TANC2: variants seen among roughly 807,000 people sequenced by gnomAD.
The protein encoded by TANC2 is tetratricopeptide repeat, ankyrin repeat and coiled-coil containing 2.
In TANC2, 26 loss-of-function variants were observed where a neutral mutation model predicts 210.5. The ratio of observed to expected loss-of-function variants is 0.12; its 90% CI spans 0.09 to 0.17. TANC2 has a LOEUF of 0.17. TANC2 is among the 10% of genes least tolerant of loss of function. The pLI is 1.00. For missense variants in TANC2, 2,129 were observed against 2,608.9 expected, an observed-to-expected ratio of 0.82 and a Z score of 4.01; for synonymous variants, 931 against 967.1, an observed-to-expected ratio of 0.96 and a Z score of 0.69.
intron 20 of TANC2, 90 bp from the exon 21 acceptor site, chr17:63,406,064 G>A: frequency 6.5e-7 from 1 of 1,533,068 alleles, no homozygotes; most frequent in East Asian, 2.4e-5. Flanking sequence ...TACAGCAGTA[G>A]GAATTCCTAC....
intron 14 of TANC2, among the ~76,000 whole-genome samples, chr17:63,371,136 A>T (rs1301477542): frequency 1.3e-5 from 2 of 152,146 alleles, no homozygotes; most frequent in Admixed American, 6.5e-5. Flanking sequence ...AGCTGTAACT[A>T]TACCACTTTG....
chr17:63,074,071 T>G, intron 3 of TANC2, 57 bp downstream of exon 3: 1 of 1,400,836 alleles, frequency 7.1e-7, no homozygotes, highest in Non-Finnish European at 9.8e-7. Context: ...GATATTTCTT[T>G]CTAGTACTTA....
intron 27 of TANC2, among the ~76,000 whole-genome samples, chr17:63,419,763 A>G (rs1366928857): frequency 6.6e-6 from 1 of 152,118 alleles, no homozygotes; most frequent in Non-Finnish European, 1.5e-5. Context: ...GCATTTCTCC[A>G]CTATTCCCAG....
At chr17:63,009,711 T>C in intron 2 of TANC2, 85 bp downstream of exon 2, 1 of 1,134,310 alleles carries the variant, frequency 8.8e-7, no homozygotes, top group South Asian at 1.4e-5. Context: ...TGTAACACTT[T>C]ATTAATGCTT....
intron 14 of TANC2, among the ~76,000 whole-genome samples, chr17:63,372,893 C>CTTTT (rs753800050): frequency 5.6e-4 from 65 of 115,888 alleles, no homozygotes; most frequent in African/African-American, 1.1e-3. Context: ...TGATTACCAT[C>CTTTT]TTTTTTTTTT....
At chr17:63,219,458 C>T (rs867986647) in intron 7 of TANC2, among the ~76,000 whole-genome samples, 2 of 152,268 alleles carry the variant, frequency 1.3e-5, no homozygotes, top group Middle Eastern at 3.4e-3. Flanking sequence ...TTCAATTCCT[C>T]GTCTATACAT....
intron 4 of TANC2, among the ~76,000 whole-genome samples, chr17:63,106,870 T>A (rs1325823519): frequency 1.3e-5 from 2 of 151,726 alleles, no homozygotes; most frequent in Non-Finnish European, 2.9e-5. Context: ...AAGTTTTATT[T>A]ATAGTATTGT....
At chr17:63,095,001 G>T (rs761893667) in intron 3 of TANC2, among the ~76,000 whole-genome samples, 7 of 151,470 alleles carry the variant, frequency 4.6e-5, no homozygotes, top group Non-Finnish European at 8.8e-5. Context: ...CCCCCGCCCC[G>T]CCTTTTTTTT....
intron 1 of TANC2, chr17:62,967,318 A>C (rs1252406910): frequency 2.0e-5 from 3 of 152,176 alleles, no homozygotes; most frequent in Non-Finnish European, 4.4e-5. Flanking sequence ...AGAGAAAGTA[A>C]CCACGTGAAA....
chr17:63,171,085 T>C lies in TANC2; in HGVS notation c.433+19705T>C, dbSNP rs866875487. Among the ~76,000 whole-genome samples the C allele has an allele frequency of 1.0e-4, 13 of 130,648 alleles. No individual in the cohort carries two copies. In the East Asian group the frequency reaches 1.2e-3, roughly 12 times the overall value. 85.7% of individuals were successfully genotyped at this position (130,648 alleles called of 152,430 possible). On this transcript the variant is annotated intron_variant, in intron 5 of 27. Coordinates refer to ENST00000689528, the Ensembl canonical transcript of TANC2. ...ATGTCCCAAATGTATTTCTTTCTTT[T>C]TTTTTTTTTTTTTTTTTTGAGATGG... is the stretch of plus-strand genomic sequence containing the variant.
intron 3 of TANC2, among the ~76,000 whole-genome samples, chr17:63,085,237 A>G (rs1568371558): frequency 6.6e-6 from 1 of 152,166 alleles, no homozygotes; most frequent in Non-Finnish European, 1.5e-5. Context: ...TAAGTAACAC[A>G]TTAGTTGGGT....
intron 5 of TANC2, among the ~76,000 whole-genome samples, chr17:63,190,708 A>G (rs548767462): frequency 4.9e-4 from 74 of 152,200 alleles, no homozygotes; most frequent in Non-Finnish European, 9.7e-4. Context: ...AACCATGAAC[A>G]TGGAAAACCA....
Position 63,418,466 on chromosome 17 carries a change from G to A in TANC2, c.4268+59G>A. 6.7e-7 allele frequency: 1 copy of A among 1,501,246 alleles called. No homozygotes were observed. Among genetic ancestry groups the A allele is most frequent in the Admixed American group, 1.9e-5 (1 of 51,510 alleles). 93.0% of individuals were successfully genotyped at this position (1,501,246 alleles called of 1,614,324 possible). On this transcript the variant is annotated intron_variant, in intron 27 of 27. Coordinates refer to ENST00000689528, the Ensembl canonical transcript of TANC2. This position sits in a 1 kb window ranked among gnomAD's most constrained non-coding sequence, Gnocchi z 4.6. ...TCTCTTTTCTGAAAATTTGGCCAAG[G>A]CAGCGTCGGCCACCCTGGGGCATAT...
At chr17:63,351,330 G>A in exon 13 of TANC2, 1 of 1,610,948 alleles carries the variant, frequency 6.2e-7, no homozygotes, top group Non-Finnish European at 8.5e-7. Context: ...GGATTATGGG[G>A]ATACAATTGT....
chr17:63,306,661 G>T (rs190051226), intron 9 of TANC2, among the ~76,000 whole-genome samples: 14 of 152,272 alleles, frequency 9.2e-5, no homozygotes, highest in African/African-American at 3.4e-4. Context: ...CTGGCTAAAA[G>T]AAAATTATGG....
At chr17:63,056,427 C>G (rs576293334) in intron 2 of TANC2, among the ~76,000 whole-genome samples, 3 of 152,102 alleles carry the variant, frequency 2.0e-5, no homozygotes, top group Admixed American at 2.0e-4. Flanking sequence ...CCTGTAATCC[C>G]AGCACTTTGG....
chr17:63,358,625 A>G (rs950077208), intron 14 of TANC2, among the ~76,000 whole-genome samples: 7 of 152,164 alleles, frequency 4.6e-5, no homozygotes, highest in Non-Finnish European at 7.3e-5. Flanking sequence ...CGGAGATATC[A>G]GATTAACTCA....
At chr17:63,284,584 G>A (rs1247259956) in intron 9 of TANC2, among the ~76,000 whole-genome samples, 4 of 151,812 alleles carry the variant, frequency 2.6e-5, no homozygotes, top group African/African-American at 9.7e-5. Context: ...TCGATTCCAA[G>A]TGTAATTTCA....
At chr17:63,210,509 G>A (rs2041853278) in intron 7 of TANC2, among the ~76,000 whole-genome samples, 1 of 151,950 alleles carries the variant, frequency 6.6e-6, no homozygotes, top group Non-Finnish European at 1.5e-5. Context: ...CTTTATGTAA[G>A]CTTCTTAATG....
Sources: allele counts gnomAD v4.1 joint callset (sites outside exome capture counted in the v4.1 genomes callset), GRCh38; gene constraint gnomAD v4.1.1; non-coding constraint Gnocchi (gnomAD v3.1); transcripts MANE v1.5; gene names NCBI Gene and HGNC (gene_info 2026-07-23, HGNC 2026-07-21).